Variants in NUMB observed in about 807,000 individuals in gnomAD.
The protein encoded by NUMB is NUMB endocytic adaptor protein.
Under a neutral mutation model 59.7 loss-of-function variants are expected in NUMB, and 29 were observed. The observed-to-expected ratio is 0.49, with a 90% confidence interval of 0.36 to 0.66. The LOEUF (loss-of-function observed/expected upper bound fraction) is 0.66, where lower values mean the gene tolerates loss of function less well. Among genes scored for constraint, NUMB ranks in the 30% least tolerant of loss-of-function variants. The probability of loss-of-function intolerance (pLI) is 0.00; values close to 1 mark genes in which losing one functional copy is unlikely to be tolerated. For synonymous variants in NUMB, 288 were observed against 288.2 expected, an observed-to-expected ratio of 1.00 and a Z score of 0.01; for missense variants, 723 against 822.0, an observed-to-expected ratio of 0.88 and a Z score of 1.47.
chr14:73,362,509 T>A (rs1016928586), intron 3 of NUMB, among the ~76,000 whole-genome samples: 4 of 152,108 alleles, frequency 2.6e-5, no homozygotes, highest in African/African-American at 7.2e-5. Flanking sequence ...AGTGGTGTGA[T>A]CATGGCTCAC....
At chr14:73,409,205 A>C (rs913710096) in intron 2 of NUMB, 1 of 152,180 alleles carries the variant, frequency 6.6e-6, no homozygotes, top group Non-Finnish European at 1.5e-5. Flanking sequence ...GCTTCCTTGA[A>C]ACTTGGGAGA....
At chr14:73,435,040 A>C (rs1234584478) in intron 1 of NUMB, among the ~76,000 whole-genome samples, 1 of 152,148 alleles carries the variant, frequency 6.6e-6, no homozygotes, top group Non-Finnish European at 1.5e-5. Flanking sequence ...GCCTTTGTCA[A>C]AGATATTCAC....
At chr14:73,348,912 G>A (rs1202469070) in intron 4 of NUMB, among the ~76,000 whole-genome samples, 1 of 152,098 alleles carries the variant, frequency 6.6e-6, no homozygotes, top group African/African-American at 2.4e-5. Context: ...AAACCTCTCA[G>A]AATCTGTGAA....
chr14:73,303,082 G>A (rs570834276), intron 6 of NUMB, among the ~76,000 whole-genome samples: 1 of 152,114 alleles, frequency 6.6e-6, no homozygotes, highest in South Asian at 2.1e-4. Flanking sequence ...GCCGGGTGTG[G>A]TAGCAGGTGC....
chr14:73,319,218 G>A (rs1236575731), intron 5 of NUMB, among the ~76,000 whole-genome samples: 2 of 152,104 alleles, frequency 1.3e-5, no homozygotes, highest in Non-Finnish European at 2.9e-5. Flanking sequence ...ACCCAAGATC[G>A]TGCCACTGCA....
At chr14:73,321,063 A>C (rs1364384970) in intron 5 of NUMB, among the ~76,000 whole-genome samples, 2 of 150,360 alleles carry the variant, frequency 1.3e-5, no homozygotes, top group East Asian at 3.9e-4. Context: ...AAAGTATTTC[A>C]AAAAAAAACA....
At chr14:73,333,320 T>C (rs1190184792) in intron 4 of NUMB, among the ~76,000 whole-genome samples, 1 of 152,238 alleles carries the variant, frequency 6.6e-6, no homozygotes, top group Non-Finnish European at 1.5e-5. Flanking sequence ...TTGATTTGCA[T>C]TTCGCTGATA....
At chr14:73,282,577 G>C (rs1594857794) in intron 10 of NUMB, 72 bp from the exon 11 acceptor site, 1 of 1,506,554 alleles carries the variant, frequency 6.6e-7, no homozygotes, top group Non-Finnish European at 9.0e-7. Flanking sequence ...TATGATGCAA[G>C]CTGGCACTTT....
intron 7 of NUMB, among the ~76,000 whole-genome samples, chr14:73,294,570 T>A (rs573360371): frequency 4.6e-5 from 7 of 151,606 alleles, no homozygotes; most frequent in Non-Finnish European, 8.8e-5. Context: ...GCTGCTGGAG[T>A]GCAATGATGC....
intron 6 of NUMB, among the ~76,000 whole-genome samples, chr14:73,307,809 T>C (rs529639986): frequency 4.9e-5 from 7 of 143,230 alleles, no homozygotes; most frequent in Non-Finnish European, 6.0e-5. Context: ...CTTGGCTCAC[T>C]GCAAGCTCCG....
At chr14:73,423,005 G>A (rs192879274) in intron 1 of NUMB, among the ~76,000 whole-genome samples, 1 of 151,092 alleles carries the variant, frequency 6.6e-6, no homozygotes, top group Admixed American at 6.6e-5. Flanking sequence ...GATATCATAA[G>A]ACAGATGTCA....
In NUMB at chr14:73,355,708, T is replaced by G. The variant is rs777062232; in HGVS notation, c.44A>C (p.Tyr15Ser). The G allele has an allele frequency of 6.2e-7, 1 of 1,613,628 alleles. No homozygotes were observed. The highest frequency in any genetic ancestry group is 1.1e-5 in the South Asian group (1 of 91,048). ...ATGTGGACGACTGGCCTCTGGAACA[T>G]AAACATCCTTCTTTCTCCTAAAACT... Reference protein sequence around the residue: ...RQSFRRKKDVYVPEASRPHQW... With the variant: ...RQSFRRKKDVSVPEASRPHQW... Residue 15 changes from tyrosine to serine, a missense_variant, in exon 4 of 13, where the codon TAT becomes TCT. Tyr to Ser is a moderately radical substitution (Grantham distance 144). Around this residue, in one of 2 missense-constraint regions of NUMB, gnomAD observed 317 missense variants for 436.6 expected, o/e 0.73. Transcript: ENST00000555238.
At chr14:73,438,354 G>C (rs1002636456) in intron 1 of NUMB, among the ~76,000 whole-genome samples, 4 of 152,108 alleles carry the variant, frequency 2.6e-5, no homozygotes, top group Non-Finnish European at 4.4e-5. Context: ...TTTCTGGCTG[G>C]AAGCAATGGC....
At chr14:73,439,791 G>A (rs1050101207) in intron 1 of NUMB, among the ~76,000 whole-genome samples, 3 of 152,108 alleles carry the variant, frequency 2.0e-5, no homozygotes, top group African/African-American at 7.2e-5. Flanking sequence ...GAAAGGAACA[G>A]GTATGAATCT....
intron 6 of NUMB, among the ~76,000 whole-genome samples, chr14:73,299,553 TCATATATGTCATATATATGACATGA>T (rs1413309174): frequency 9.5e-6 from 1 of 105,578 alleles, no homozygotes; most frequent in Non-Finnish European, 1.9e-5. Context: ...CATATATGTA[TCATATATGTCATATATATGACATGA>T]CATATGTCAT....
chr14:73,375,515 T>C (rs747109406), intron 2 of NUMB, among the ~76,000 whole-genome samples: 1 of 152,216 alleles, frequency 6.6e-6, no homozygotes, highest in African/African-American at 2.4e-5. Flanking sequence ...AAATTCCATA[T>C]TGCTATGCCA....
chr14:73,398,782 C>T (rs940790223), intron 2 of NUMB, among the ~76,000 whole-genome samples: 1 of 151,960 alleles, frequency 6.6e-6, no homozygotes, highest in African/African-American at 2.4e-5. Flanking sequence ...TAATTTACTA[C>T]TGGTGGGAGC....
chr14:73,401,209 G>T (rs1896395890), intron 2 of NUMB, among the ~76,000 whole-genome samples: 1 of 152,138 alleles, frequency 6.6e-6, no homozygotes, highest in Non-Finnish European at 1.5e-5. Flanking sequence ...GACCAGAGGT[G>T]CTGTGTTATA....
chr14:73,299,620 T>TGTC (rs1890011297), intron 6 of NUMB, among the ~76,000 whole-genome samples: 15 of 151,042 alleles, frequency 9.9e-5, no homozygotes, highest in Admixed American at 4.7e-4. Context: ...ATATATGTCA[T>TGTC]ATAATATGAC....
Sources: gnomAD v4.1 joint callset for allele counts (sites outside exome capture counted in the v4.1 genomes callset) on GRCh38, gnomAD v4.1.1 for gene constraint, gnomAD v4.1.1 regional missense constraint, MANE v1.5 for transcripts, NCBI Gene and HGNC (gene_info 2026-07-23, HGNC 2026-07-21) for gene names.